Variants in SH3PXD2B observed in about 807,000 individuals in gnomAD.
SH3PXD2B encodes the protein SH3 and PX domain-containing protein 2B.
A neutral mutation model predicts 73.1 loss-of-function variants in SH3PXD2B; 37 were observed. The observed-to-expected ratio is 0.51, with a 90% CI of 0.39 to 0.67. The LOEUF (loss-of-function observed/expected upper bound fraction) is 0.67. Ranked by LOEUF, SH3PXD2B falls within the 30% of genes least tolerant of loss-of-function variation. The pLI, the probability that SH3PXD2B is intolerant of heterozygous loss-of-function variation, is 0.00. For missense variants in SH3PXD2B, 1,053 were observed against 1,197.8 expected (o/e 0.88, Z 1.78); for synonymous variants, 457 against 480.5 (o/e 0.95, Z 0.64).
intron 8 of SH3PXD2B, among the ~76,000 whole-genome samples, chr5:172,357,693 C>T (rs1166228738): frequency 1.3e-5 from 2 of 152,176 alleles, no homozygotes; most frequent in Admixed American, 1.3e-4. Flanking sequence ...CTGATGGTAA[C>T]CCTGTGTTAC....
At chr5:172,398,739 T>G (rs1758362576) in intron 3 of SH3PXD2B, among the ~76,000 whole-genome samples, 1 of 152,226 alleles carries the variant, frequency 6.6e-6, no homozygotes, top group South Asian at 2.1e-4. Flanking sequence ...TAAGACCTAC[T>G]TTAGGTATTC....
At chr5:172,362,663 G>A in intron 7 of SH3PXD2B, 72 bp downstream of exon 7, 1 of 1,611,068 alleles carries the variant, frequency 6.2e-7, no homozygotes, top group African/African-American at 1.3e-5. Context: ...CAGTTTCTGA[G>A]TTTCCAAATG....
At chr5:172,377,598 G>A (rs1757845956) in intron 5 of SH3PXD2B, among the ~76,000 whole-genome samples, 1 of 152,122 alleles carries the variant, frequency 6.6e-6, no homozygotes, top group Non-Finnish European at 1.5e-5. Flanking sequence ...AGTGACGCCC[G>A]CTTTACTGAT....
chr5:172,407,783 C>T (rs544550840), intron 2 of SH3PXD2B, among the ~76,000 whole-genome samples: 6 of 152,300 alleles, frequency 3.9e-5, no homozygotes, highest in Admixed American at 2.0e-4. Context: ...GATATGTATA[C>T]GAAACACCTA....
Position 172,335,735 on chromosome 5 carries a change from C to A in SH3PXD2B, c.*2634G>T. On this transcript the variant is annotated 3_prime_UTR_variant, in exon 13 of 13. Coordinates refer to ENST00000311601, the MANE Select transcript of SH3PXD2B (RefSeq NM_001017995.3). ...AGTCCTGGATGGGGTAAATCTAAGT[C>A]CCCAGGCAAGGACAGCTAGGAGAGT... The A allele has an allele frequency of 8.1e-7, 1 of 1,231,216 alleles. No individual in the cohort carries two copies. The highest frequency in any genetic ancestry group is 1.0e-6 in the Non-Finnish European group (1 of 987,776). 76.3% of individuals were successfully genotyped at this position (1,231,216 alleles called of 1,614,324 possible).
chr5:172,424,763 C>T (rs1371271580), intron 1 of SH3PXD2B, among the ~76,000 whole-genome samples: 1 of 152,166 alleles, frequency 6.6e-6, no homozygotes, highest in African/African-American at 2.4e-5. Context: ...TTCCTAACTC[C>T]TGGAGCCTCA....
chr5:172,383,950 G>T (rs1393865019), intron 4 of SH3PXD2B, among the ~76,000 whole-genome samples: 4 of 151,786 alleles, frequency 2.6e-5, no homozygotes, highest in African/African-American at 9.7e-5. Context: ...GGGTTCAAGT[G>T]ATTCCCCAGC....
chr5:172,340,036 C>T, intron 12 of SH3PXD2B, 120 bp from the exon 13 acceptor site: 1 of 1,541,746 alleles, frequency 6.5e-7, no homozygotes, highest in South Asian at 1.2e-5. Flanking sequence ...CTCAGCAGCT[C>T]CTCTGACAAG....
downstream of SH3PXD2B, among the ~76,000 whole-genome samples, chr5:172,329,181 A>G (rs1197896703): frequency 6.8e-6 from 1 of 147,992 alleles, no homozygotes; most frequent in Non-Finnish European, 1.5e-5. Context: ...TCCCGGTTCA[A>G]ATGATTCTCC....
intron 4 of SH3PXD2B, among the ~76,000 whole-genome samples, chr5:172,390,475 C>T (rs747886946): frequency 1.3e-5 from 2 of 152,242 alleles, no homozygotes; most frequent in Non-Finnish European, 2.9e-5. Context: ...GCCTCCAACT[C>T]CTGGACTCAA....
At chr5:172,410,485 G>A (rs1240462445) in intron 2 of SH3PXD2B, among the ~76,000 whole-genome samples, 1 of 152,160 alleles carries the variant, frequency 6.6e-6, no homozygotes, top group Non-Finnish European at 1.5e-5. Context: ...CATAGTAGAT[G>A]CTCAATAAAA....
In SH3PXD2B at chr5:172,454,366, CCCGCAGCGGG is replaced by C; in HGVS notation, c.-24_-15del. On this transcript the variant is annotated 5_prime_UTR_variant, in exon 1 of 13. Transcript: ENST00000311601. Reference sequence around the variant, plus strand: ...CCGCGGCGGCATGGCCGCTCCTCCGCCCGCAGCGGGCCGAGCGCGGGTGCGGGTGGCGCGG... The same window carrying C: ...CCGCGGCGGCATGGCCGCTCCTCCGCCCGAGCGCGGGTGCGGGTGGCGCGG... 1 of 1,483,278 alleles carries C rather than the reference CCCGCAGCGGG, an allele frequency of 6.7e-7. No homozygotes were observed. The highest frequency in any genetic ancestry group is 2.8e-5 in the East Asian group (1 of 35,670). 91.9% of individuals were successfully genotyped at this position (1,483,278 alleles called of 1,614,324 possible).
chr5:172,432,597 G>A (rs1465959525), intron 1 of SH3PXD2B, among the ~76,000 whole-genome samples: 1 of 152,140 alleles, frequency 6.6e-6, no homozygotes, highest in Non-Finnish European at 1.5e-5. Flanking sequence ...TAGCAAGTAG[G>A]CAAATTCGCA....
intron 5 of SH3PXD2B, among the ~76,000 whole-genome samples, chr5:172,376,583 C>T (rs551398467): frequency 1.3e-5 from 2 of 152,300 alleles, no homozygotes; most frequent in Non-Finnish European, 2.9e-5. Context: ...GGGCTACAGT[C>T]CTCCTGTATG....
At chr5:172,328,784 G>A (rs578189075), downstream of SH3PXD2B, among the ~76,000 whole-genome samples, 96 of 152,086 alleles carry the variant, frequency 6.3e-4, no homozygotes, top group Non-Finnish European at 1.1e-3. Context: ...CCTAGTAGGA[G>A]AGAGGCTGAG....
chr5:172,408,087 A>G (rs1264363222), intron 2 of SH3PXD2B, among the ~76,000 whole-genome samples: 1 of 151,564 alleles, frequency 6.6e-6, no homozygotes, highest in Admixed American at 6.6e-5. Context: ...TTGGCTGCGC[A>G]TCCTGGAAGC....
chr5:172,332,419 ACTT>A (rs1276246459), downstream of SH3PXD2B, among the ~76,000 whole-genome samples: 1 of 89,158 alleles, frequency 1.1e-5, no homozygotes, highest in African/African-American at 4.1e-5. Flanking sequence ...ACACCTGGCT[ACTT>A]TTTTTTTTTT....
At chr5:172,326,715 A>T (rs1017825676) in intron 12 of SH3PXD2B, among the ~76,000 whole-genome samples, 1 of 152,160 alleles carries the variant, frequency 6.6e-6, no homozygotes, top group African/African-American at 2.4e-5. Context: ...ATTTTCAGAC[A>T]GTTGTATTTT....
intron 10 of SH3PXD2B, among the ~76,000 whole-genome samples, chr5:172,350,161 G>A (rs2113288223): frequency 6.6e-6 from 1 of 152,232 alleles, no homozygotes; most frequent in East Asian, 1.9e-4. Flanking sequence ...GGCCAGCAAT[G>A]CCTCTTGACT....
Sources: allele counts gnomAD v4.1 joint callset (sites outside exome capture counted in the v4.1 genomes callset), GRCh38; gene constraint gnomAD v4.1.1; transcripts MANE v1.5; gene names NCBI Gene and HGNC (gene_info 2026-07-23, HGNC 2026-07-21).